ADGRB1: variants seen among roughly 807,000 people sequenced by gnomAD.
The protein encoded by ADGRB1 is adhesion G protein-coupled receptor B1.
A neutral mutation model predicts 175.7 loss-of-function variants in ADGRB1; 36 were observed. The observed-to-expected ratio is 0.20, with a 90% CI of 0.16 to 0.27. The LOEUF (loss-of-function observed/expected upper bound fraction) is 0.27, where lower values mean the gene tolerates loss of function less well. Ranked by LOEUF, ADGRB1 falls within the 10% of genes least tolerant of loss-of-function variation. The pLI is 1.00. For synonymous variants in ADGRB1, 1,054 were observed against 979.4 expected (o/e 1.08, Z -1.42); for missense variants, 1,731 against 2,255.3 (o/e 0.77, Z 4.71).
chr8:142,452,756 C>G (rs13263946), intron 1 of ADGRB1, among the ~76,000 whole-genome samples: 1 of 151,792 alleles, frequency 6.6e-6, no homozygotes, highest in Admixed American at 6.5e-5. Flanking sequence ...CCTCCTGCGG[C>G]GTCCTCCGCC....
At chr8:142,524,440 C>G (rs1844056008) in intron 23 of ADGRB1, 136 bp downstream of exon 23, 1 of 1,026,556 alleles carries the variant, frequency 9.7e-7, no homozygotes, top group Admixed American at 2.5e-5. Context: ...CCCTCATCAC[C>G]AGGGGGTGGG....
intron 9 of ADGRB1, among the ~76,000 whole-genome samples, 198 bp downstream of exon 9, chr8:142,479,992 C>G (rs560142241): frequency 2.0e-5 from 3 of 152,208 alleles, no homozygotes. Flanking sequence ...TCTGAGCACT[C>G]GCTAGGGGCT....
In ADGRB1 at chr8:142,493,946, G is replaced by A. The variant is rs76333710; in HGVS notation, c.2675+3131G>A. On this transcript the variant is annotated intron_variant, in intron 17 of 30. Coordinates refer to ENST00000517894, the MANE Select transcript of ADGRB1 (RefSeq NM_001702.3). The surrounding 1 kb of genome is among the most constrained non-coding windows in gnomAD (Gnocchi z 5.0). Reference sequence around the variant, plus strand: ...CCAGTTGACCTGAAGTGGAGACCACGGGCAGGGGCCCAGGTCTGTTTCCAC... The same window carrying A: ...CCAGTTGACCTGAAGTGGAGACCACAGGCAGGGGCCCAGGTCTGTTTCCAC... Among the ~76,000 whole-genome samples, 3 of 152,176 alleles carry A rather than the reference G, an allele frequency of 2.0e-5. No individual in the cohort carries two copies. Among genetic ancestry groups the A allele is most frequent in the Non-Finnish European group, 2.9e-5 (2 of 68,036 alleles).
intron 19 of ADGRB1, among the ~76,000 whole-genome samples, chr8:142,520,420 GTAATGATTGTATGA>G (rs1563735927): frequency 0.11 from 2,506 of 22,470 alleles, 2 homozygotes; most frequent in South Asian, 0.2. Context: ...GGTGATAGTG[GTAATGATTGTATGA>G]TGATGGTGGT....
chr8:142,539,225 T>G (rs1587445695), intron 26 of ADGRB1, 149 bp from the exon 27 acceptor site: 1 of 707,004 alleles, frequency 1.4e-6, no homozygotes. Context: ...GGAGGCATGG[T>G]CGCCCACGTG....
At position 142,543,961 on chromosome 8, in the gene ADGRB1, A is replaced by G. The variant is rs2132302377; in HGVS notation, c.4557+253A>G. The stretch of plus-strand genomic sequence containing the variant: ...AGGGGTCTGGATTGGGGTGGAGCCA[A>G]TCCAGGGCAGGGTCCCCACAGCCTG... On this transcript the variant is annotated intron_variant, in intron 30 of 30. Coordinates refer to ENST00000517894, the MANE Select transcript of ADGRB1 (RefSeq NM_001702.3). This position sits in a 1 kb window ranked among gnomAD's most constrained non-coding sequence, Gnocchi z 4.4. 6.6e-6 allele frequency among the ~76,000 whole-genome samples: 1 copy of G among 152,172 alleles called. No individual in the cohort carries two copies. Among genetic ancestry groups the G allele is most frequent in the South Asian group, 2.1e-4 (1 of 4,804 alleles).
chr8:142,452,446 G>C (rs988764998), intron 1 of ADGRB1, among the ~76,000 whole-genome samples: 4 of 152,226 alleles, frequency 2.6e-5, no homozygotes, highest in African/African-American at 9.6e-5. Context: ...GGGCTAGGGA[G>C]GGGGCGCAGC....
intron 23 of ADGRB1, among the ~76,000 whole-genome samples, chr8:142,524,618 G>C (rs1001843132): frequency 1.3e-5 from 2 of 152,210 alleles, no homozygotes; most frequent in African/African-American, 2.4e-5. Context: ...ATGGGAGGAA[G>C]CTGGGGATGG....
chr8:142,537,157 C>A lies in ADGRB1; in HGVS notation c.3666+75C>A. The A allele has an allele frequency of 1.7e-6, 2 of 1,208,550 alleles. No individual in the cohort carries two copies. Among genetic ancestry groups the A allele is most frequent in the South Asian group, 1.8e-5 (1 of 54,790 alleles). 74.9% of individuals were successfully genotyped at this position (1,208,550 alleles called of 1,614,324 possible). ...CCGCCAAGTGCCTCCAGGCCCTCAC[C>A]GTGCCCCAAGCTCCCCTAGGCCCCA... On this transcript the variant is annotated intron_variant, in intron 26 of 30. Transcript: ENST00000517894. The surrounding 1 kb of genome is among the most constrained non-coding windows in gnomAD (Gnocchi z 4.6).
intron 24 of ADGRB1, among the ~76,000 whole-genome samples, chr8:142,527,434 C>T (rs990239535): frequency 6.6e-6 from 1 of 152,204 alleles, no homozygotes; most frequent in Non-Finnish European, 1.5e-5. Flanking sequence ...GCTCCTCCTG[C>T]TGTCCCCAGT....
Position 142,464,086 on chromosome 8 carries a change from G to GCCCCCAACCGGC in ADGRB1, c.-111_-110insCCCAACCGGCCC. On this transcript the variant is annotated 5_prime_UTR_variant, in exon 2 of 31. Coordinates refer to ENST00000517894, the MANE Select transcript of ADGRB1 (RefSeq NM_001702.3). Reference sequence around the variant, plus strand: ...CCCTCTCCCATCCCACCCTTGCCCCGCCTCCCTGCCCCCACCGGGCCGGCC... The same window carrying GCCCCCAACCGGC: ...CCCTCTCCCATCCCACCCTTGCCCCGCCCCCAACCGGCCCTCCCTGCCCCCACCGGGCCGGCC... 1 of 198,028 alleles carries GCCCCCAACCGGC rather than the reference G, an allele frequency of 5.0e-6. No homozygotes were observed. Among genetic ancestry groups the GCCCCCAACCGGC allele is most frequent in the Non-Finnish European group, 9.2e-6 (1 of 108,426 alleles). The allele number at this position is 198,028 out of a possible 1,614,324, so 12.3% of individuals were successfully genotyped here. A position where few individuals can be genotyped will look rare whatever the true frequency, so the allele number is the denominator to read the frequency against.
chr8:142,500,625 C>G (rs185224789), intron 17 of ADGRB1, among the ~76,000 whole-genome samples: 19 of 152,062 alleles, frequency 1.2e-4, no homozygotes, highest in Admixed American at 1.2e-3. Flanking sequence ...CATCAAAGCC[C>G]CACCTTCCCA....
chr8:142,532,598 C>T (rs1844689355), intron 24 of ADGRB1, among the ~76,000 whole-genome samples: 2 of 152,266 alleles, frequency 1.3e-5, no homozygotes, highest in South Asian at 4.1e-4. Context: ...TGCCGTCTGT[C>T]TCTGTCTCTC....
At chr8:142,483,328 C>T (rs147479120) in intron 11 of ADGRB1, among the ~76,000 whole-genome samples, 41 of 88,864 alleles carry the variant, frequency 4.6e-4, no homozygotes, top group South Asian at 1.4e-3. Context: ...ACATGCTGAA[C>T]CCTGACCCTG....
At chr8:142,459,269 C>T (rs542211107) in intron 1 of ADGRB1, among the ~76,000 whole-genome samples, 4 of 152,312 alleles carry the variant, frequency 2.6e-5, no homozygotes, top group African/African-American at 7.2e-5. Flanking sequence ...TTTGAGGGAC[C>T]AGGGCCAGGT....
At chr8:142,513,025 G>T (rs1053462071) in intron 18 of ADGRB1, among the ~76,000 whole-genome samples, 2 of 151,942 alleles carry the variant, frequency 1.3e-5, no homozygotes, top group African/African-American at 4.8e-5. Context: ...TTGGCAGGCG[G>T]TTCGTGGCTG....
chr8:142,494,925 C>G (rs1056000045), intron 17 of ADGRB1, among the ~76,000 whole-genome samples: 6 of 152,036 alleles, frequency 3.9e-5, no homozygotes, highest in Non-Finnish European at 8.8e-5. Flanking sequence ...AAGCCATAGA[C>G]ACTGCCCCTA....
intron 20 of ADGRB1, among the ~76,000 whole-genome samples, chr8:142,521,645 G>A (rs932631207): frequency 1.3e-5 from 2 of 152,208 alleles, no homozygotes; most frequent in Admixed American, 6.5e-5. Flanking sequence ...CCTGGGCCTT[G>A]GGCTTACTAC....
chr8:142,502,513 G>A (rs376893098), intron 17 of ADGRB1, among the ~76,000 whole-genome samples: 1,245 of 77,030 alleles, frequency 0.016, 18 homozygotes, highest in Non-Finnish European at 0.024. Flanking sequence ...GGTGGCGTTA[G>A]TGATGGTTGT....
Sources: gnomAD v4.1 joint callset for allele counts (sites outside exome capture counted in the v4.1 genomes callset) on GRCh38, gnomAD v4.1.1 for gene constraint, Gnocchi (gnomAD v3.1) non-coding constraint, MANE v1.5 for transcripts, NCBI Gene and HGNC (gene_info 2026-07-23, HGNC 2026-07-21) for gene names.